Variants in CLASP1 observed in about 807,000 individuals in gnomAD.
CLASP1 encodes cytoplasmic linker associated protein 1.
Under a neutral mutation model 192.3 loss-of-function variants are expected in CLASP1, and 38 were observed. The observed-to-expected ratio is 0.20, with a 90% CI of 0.15 to 0.26. The LOEUF (loss-of-function observed/expected upper bound fraction) is 0.26. Among genes scored for constraint, CLASP1 ranks in the 10% least tolerant of loss-of-function variants. CLASP1 has a pLI of 1.00. For synonymous variants in CLASP1, 691 were observed against 712.8 expected (o/e 0.97, Z 0.49); for missense variants, 1,433 against 1,932.5 (o/e 0.74, Z 4.85).
intron 13 of CLASP1, among the ~76,000 whole-genome samples, chr2:121,458,155 G>A (rs1350622841): frequency 6.6e-6 from 1 of 152,172 alleles, no homozygotes; most frequent in African/African-American, 2.4e-5. Flanking sequence ...AGTAAGAACA[G>A]TAAGAACTTA....
intron 39 of CLASP1, among the ~76,000 whole-genome samples, chr2:121,343,845 T>G (rs938248913): frequency 2.0e-5 from 3 of 151,996 alleles, no homozygotes; most frequent in Non-Finnish European, 4.4e-5. Context: ...GGGAGGTGGG[T>G]GGATCACTTG....
At chr2:121,398,531 C>A (rs1263879478) in intron 28 of CLASP1, 131 bp from the exon 30 acceptor site, 2 of 636,896 alleles carry the variant, frequency 3.1e-6, no homozygotes, top group Admixed American at 3.0e-5. Context: ...ATAAATAGTG[C>A]TTTTCGTTTT....
In CLASP1 at chr2:121,510,026, A is replaced by G. The variant is rs543736263; in HGVS notation, c.644+5639T>C. Among the ~76,000 whole-genome samples, 43 of 152,344 alleles carry G rather than the reference A, an allele frequency of 2.8e-4. No individual in the cohort carries two copies. In the East Asian group the frequency reaches 6.4e-3, roughly 23 times the overall value. The stretch of plus-strand genomic sequence containing the variant: ...TGAAAACAAAAAGGAATTAGAAAAT[A>G]CTTTGAGATAAATGAAAACATTAAC... On this transcript the variant is annotated intron_variant, in intron 7 of 39. Coordinates refer to ENST00000263710, the Ensembl canonical transcript of CLASP1.
At chr2:121,388,154 AT>A (rs1179025349) in intron 30 of CLASP1, 80 of 338,116 alleles carry the variant, frequency 2.4e-4, no homozygotes, top group Non-Finnish European at 1.5e-4. Flanking sequence ...CTAATAATAA[AT>A]TCCTAGAACT....
intron 2 of CLASP1, among the ~76,000 whole-genome samples, chr2:121,545,054 G>C (rs540709748): frequency 6.6e-6 from 1 of 152,178 alleles, no homozygotes; most frequent in Admixed American, 6.5e-5. Context: ...TGGGATTACA[G>C]GCGTGTGCCA....
intron 1 of CLASP1, among the ~76,000 whole-genome samples, chr2:121,647,930 T>C (rs1329431640): frequency 2.0e-5 from 3 of 152,194 alleles, no homozygotes; most frequent in Non-Finnish European, 4.4e-5. Context: ...AGGTAGCCCA[T>C]AATAAACAAT....
intron 1 of CLASP1, among the ~76,000 whole-genome samples, chr2:121,638,677 T>TTA (rs2071397129): frequency 2.6e-5 from 4 of 151,904 alleles, no homozygotes; most frequent in African/African-American, 9.7e-5. Flanking sequence ...TTTATTTTTT[T>TTA]TTTTTTTGAG....
rs145750817 is a variant in CLASP1 at position 121,433,128 on chromosome 2, C to A, written c.1913-2951G>T. Among the ~76,000 whole-genome samples, 303 of 152,062 alleles carry A rather than the reference C, an allele frequency of 2.0e-3. 2 individuals are homozygous for A. The highest frequency in any genetic ancestry group is 6.9e-3 in the African/African-American group (287 of 41,482). On this transcript the variant is annotated intron_variant, in intron 19 of 39. Transcript: ENST00000263710. ...CCTGAGGTCAGGAGCTCGAGACTAGCCTGGCCAACGTGGAGAAACCCCATT... is the reference window on the plus strand; with the variant it reads ...CCTGAGGTCAGGAGCTCGAGACTAGACTGGCCAACGTGGAGAAACCCCATT...
intron 8 of CLASP1, among the ~76,000 whole-genome samples, chr2:121,478,848 C>CCACACCA (rs1479945768): frequency 0.073 from 1,925 of 26,236 alleles, 211 homozygotes; most frequent in African/African-American, 0.23. Flanking sequence ...CACACACACA[C>CCACACCA]CACACACCAC....
At chr2:121,511,984 A>G (rs1407456682) in intron 7 of CLASP1, among the ~76,000 whole-genome samples, 1 of 152,244 alleles carries the variant, frequency 6.6e-6, no homozygotes, top group African/African-American at 2.4e-5. Flanking sequence ...TTTCCGAAAC[A>G]ATCATTAAGT....
chr2:121,357,459 T>A (rs1313583644), intron 37 of CLASP1, among the ~76,000 whole-genome samples: 1 of 152,006 alleles, frequency 6.6e-6, no homozygotes, highest in Non-Finnish European at 1.5e-5. Flanking sequence ...ATATCCAGAG[T>A]GTCTATGACT....
chr2:121,344,368 G>A (rs2063176904), intron 39 of CLASP1, among the ~76,000 whole-genome samples: 2 of 150,900 alleles, frequency 1.3e-5, no homozygotes, highest in South Asian at 4.2e-4. Flanking sequence ...GTTTCGCTCT[G>A]TCACCCAGGC....
At chr2:121,377,211 G>C (rs1276976612) in intron 34 of CLASP1, among the ~76,000 whole-genome samples, 3 of 152,298 alleles carry the variant, frequency 2.0e-5, no homozygotes, top group African/African-American at 7.2e-5. Flanking sequence ...CACTAGAAGA[G>C]AGAATTTTTC....
exon 31 of CLASP1, chr2:121,387,776 C>A (rs1034103589): frequency 1.9e-6 from 3 of 1,613,828 alleles, no homozygotes; most frequent in African/African-American, 1.3e-5. Context: ...ACTGGTGTTA[C>A]TGGAATTCTT....
chr2:121,402,014 T>C (rs2076221985), intron 26 of CLASP1, 144 bp from the exon 28 acceptor site: 1 of 435,050 alleles, frequency 2.3e-6, no homozygotes, highest in East Asian at 6.6e-5. Context: ...CCTCCATCAA[T>C]GTAAGTCTTT....
intron 7 of CLASP1, among the ~76,000 whole-genome samples, chr2:121,506,450 C>G (rs2093952305): frequency 6.8e-6 from 1 of 146,880 alleles, no homozygotes; most frequent in Non-Finnish European, 1.5e-5. Context: ...ATACCCAAGA[C>G]AGAAATAACA....
At chr2:121,529,003 T>C (rs2094664934) in intron 3 of CLASP1, among the ~76,000 whole-genome samples, 1 of 152,216 alleles carries the variant, frequency 6.6e-6, no homozygotes, top group Non-Finnish European at 1.5e-5. Flanking sequence ...ATACACTATT[T>C]GTCTTCCTCC....
intron 34 of CLASP1, among the ~76,000 whole-genome samples, chr2:121,369,172 T>C (rs1669788992): frequency 6.6e-6 from 1 of 152,240 alleles, no homozygotes; most frequent in Non-Finnish European, 1.5e-5. Context: ...AATGCTGCTA[T>C]GACACACTGG....
chr2:121,561,893 C>T (rs1364496031), intron 2 of CLASP1, among the ~76,000 whole-genome samples: 2 of 152,188 alleles, frequency 1.3e-5, no homozygotes, highest in Non-Finnish European at 2.9e-5. Flanking sequence ...AGGGTTATTA[C>T]ATGTCTGCAG....
Sources: allele counts gnomAD v4.1 joint callset (sites outside exome capture counted in the v4.1 genomes callset), GRCh38; gene constraint gnomAD v4.1.1; transcripts MANE v1.5; gene names NCBI Gene and HGNC (gene_info 2026-07-23, HGNC 2026-07-21).